The following RASGRP1 variants were observed in gnomAD, a reference collection of about 807,000 sequenced individuals.
The protein encoded by RASGRP1 is RAS guanyl releasing protein 1, also known as RAS guanyl-releasing protein 1.
RASGRP1 carries 37 observed loss-of-function variants against 95.1 expected under a neutral mutation model. That is an observed-to-expected ratio of 0.39 (90% CI 0.30 to 0.51). The LOEUF (loss-of-function observed/expected upper bound fraction) is 0.51. Ranked by LOEUF, RASGRP1 falls within the 20% of genes least tolerant of loss-of-function variation. RASGRP1 has a pLI of 0.80. For missense variants in RASGRP1, 711 were observed against 965.4 expected, an observed-to-expected ratio of 0.74 and a Z score of 3.49; for synonymous variants, 325 against 353.4, an observed-to-expected ratio of 0.92 and a Z score of 0.90.
chr15:38,555,197 G>C (rs780184264), intron 2 of RASGRP1, among the ~76,000 whole-genome samples: 1 of 152,198 alleles, frequency 6.6e-6, no homozygotes, highest in African/African-American at 2.4e-5. Context: ...CCTATAAAAT[G>C]CTTTTAATAT....
Position 38,490,314 on chromosome 15 carries a change from T to A in RASGRP1, c.*240A>T, listed in dbSNP as rs1260067368. 5.9e-6 allele frequency: 2 copies of A among 341,512 alleles called. No homozygotes were observed. 21.2% of individuals were successfully genotyped at this position (341,512 alleles called of 1,614,324 possible). A position where few individuals can be genotyped will look rare whatever the true frequency, so the allele number is the denominator to read the frequency against. On this transcript the variant is annotated 3_prime_UTR_variant, in exon 17 of 17. Transcript: ENST00000310803. ...TTAGATCGCATACTTTTGATGAACA[T>A]CAGTGGTATGAATAGCAAAAGTTTT...
intron 9 of RASGRP1, among the ~76,000 whole-genome samples, chr15:38,506,597 T>C (rs1362970471): frequency 7.3e-6 from 1 of 137,168 alleles, no homozygotes; most frequent in Non-Finnish European, 1.5e-5. Context: ...ATTGCACTAC[T>C]GCACTCCAGT....
At chr15:38,503,752 G>T in intron 10 of RASGRP1, 1 of 208,348 alleles carries the variant, frequency 4.8e-6, no homozygotes, top group Non-Finnish European at 9.5e-6. Flanking sequence ...ATGTGAATAA[G>T]GAAAAGCTTA....
chr15:38,518,349 T>G lies in RASGRP1; in HGVS notation c.464A>C (p.Glu155Ala). ...CTCCTCACCCTTAGCTTTCACCAGTTCCTGAAACTCCTCCATAGTGTCTGT... is the reference window on the plus strand; with the variant it reads ...CTCCTCACCCTTAGCTTTCACCAGTGCCTGAAACTCCTCCATAGTGTCTGT... ...SLTDTMEEFQ[E>A]LVKAKGEELH... Residue 155 changes from glutamate to alanine, a missense_variant, in exon 5 of 17, where the codon GAA becomes GCA. Around this residue, in one of 3 missense-constraint regions of RASGRP1, gnomAD observed 491 missense variants for 676.6 expected, o/e 0.73. Transcript: ENST00000310803. The G allele has an allele frequency of 6.2e-7, 1 of 1,609,626 alleles. No individual in the cohort carries two copies. The highest frequency in any genetic ancestry group is 8.5e-7 in the Non-Finnish European group (1 of 1,177,998).
intron 2 of RASGRP1, among the ~76,000 whole-genome samples, chr15:38,553,283 G>A (rs186600424): frequency 6.6e-6 from 1 of 152,314 alleles, no homozygotes; most frequent in East Asian, 1.9e-4. Flanking sequence ...GGTGGGCTGC[G>A]GCTGGGGCCC....
At chr15:38,564,492 C>A in intron 1 of RASGRP1, 102 bp downstream of exon 1, 2 of 1,175,118 alleles carry the variant, frequency 1.7e-6, no homozygotes, top group East Asian at 3.3e-5. Flanking sequence ...CCCGGCCCCC[C>A]TCCGCCCTCA....
chr15:38,516,165 G>A, intron 6 of RASGRP1, 32 bp downstream of exon 6: 1 of 1,535,460 alleles, frequency 6.5e-7, no homozygotes, highest in Non-Finnish European at 9.0e-7. Context: ...ATATCCCAGG[G>A]AAGATTTTTC....
chr15:38,505,691 C>T (rs1891227229), intron 10 of RASGRP1, 149 bp downstream of exon 10: 1 of 642,526 alleles, frequency 1.6e-6, no homozygotes, highest in South Asian at 1.9e-5. Flanking sequence ...TGTTGAAAAG[C>T]TTTCTCTGTT....
chr15:38,526,360 T>A lies in RASGRP1; in HGVS notation c.265A>T (p.Met89Leu). ...LCRSNQLLQV[M>L]LTMHRIVISS... The stretch of plus-strand genomic sequence containing the variant: ...ATGACAATTCGGTGCATGGTCAGCA[T>A]GACTTGCAACAGTTGGTTACTTCGA... The change falls in exon 3 of 17, where the codon ATG (methionine) becomes TTG (leucine). Residue 89 changes from methionine (M) to leucine (L), a missense_variant. Met to Leu is a conservative substitution (Grantham distance 15). This residue lies in a region of RASGRP1 where 491 missense variants were observed against 676.6 expected (regional missense o/e 0.73). Coordinates refer to ENST00000310803, the MANE Select transcript of RASGRP1 (RefSeq NM_005739.4). 1 of 1,613,342 alleles carries A rather than the reference T, an allele frequency of 6.2e-7. No homozygotes were observed. The highest frequency in any genetic ancestry group is 1.3e-5 in the African/African-American group (1 of 75,008).
At chr15:38,530,007 TTA>T (rs1357255207) in intron 2 of RASGRP1, among the ~76,000 whole-genome samples, 1 of 152,230 alleles carries the variant, frequency 6.6e-6, no homozygotes, top group Non-Finnish European at 1.5e-5. Flanking sequence ...TAGTATTACT[TTA>T]TGTTTTCTGG....
chr15:38,563,529 G>A (rs1893898895), intron 1 of RASGRP1, among the ~76,000 whole-genome samples: 1 of 152,196 alleles, frequency 6.6e-6, no homozygotes, highest in African/African-American at 2.4e-5. Flanking sequence ...AGTAAGAGAT[G>A]AAATGGAGCA....
chr15:38,515,787 C>A (rs4363831), intron 6 of RASGRP1, among the ~76,000 whole-genome samples: 5 of 146,748 alleles, frequency 3.4e-5, no homozygotes, highest in African/African-American at 7.6e-5. Context: ...CACCCCCCCC[C>A]CTTTTTTTTT....
intron 2 of RASGRP1, among the ~76,000 whole-genome samples, chr15:38,542,864 C>CATATATGTGTATATAT (rs1892943504): frequency 2.4e-5 from 3 of 125,684 alleles, no homozygotes; most frequent in Non-Finnish European, 4.9e-5. Context: ...TATATATACA[C>CATATATGTGTATATAT]ATATATGTGT....
intron 14 of RASGRP1, among the ~76,000 whole-genome samples, chr15:38,499,897 TC>T (rs1470493628): frequency 2.6e-5 from 4 of 152,142 alleles, no homozygotes; most frequent in African/African-American, 7.2e-5. Flanking sequence ...GCTCAGCACT[TC>T]TCCTTCCTGC....
At chr15:38,535,915 G>T (rs1437055866) in intron 2 of RASGRP1, among the ~76,000 whole-genome samples, 1 of 152,184 alleles carries the variant, frequency 6.6e-6, no homozygotes, top group Non-Finnish European at 1.5e-5. Flanking sequence ...GTCCTCTTCA[G>T]TTCTGGAAAT....
intron 11 of RASGRP1, chr15:38,502,940 A>G (rs1891097281): frequency 8.3e-6 from 3 of 361,068 alleles, no homozygotes; most frequent in Non-Finnish European, 1.5e-5. Context: ...ATTAAGCAGT[A>G]CAAAGGTTTT....
chr15:38,490,924 G>A (rs1890549368), intron 16 of RASGRP1, among the ~76,000 whole-genome samples: 1 of 152,084 alleles, frequency 6.6e-6, no homozygotes, highest in Non-Finnish European at 1.5e-5. Flanking sequence ...TGGTTAGCAG[G>A]CAGAATAAAC....
chr15:38,518,158 G>A, intron 5 of RASGRP1, 134 bp downstream of exon 5: 1 of 816,624 alleles, frequency 1.2e-6, no homozygotes, highest in Non-Finnish European at 2.0e-6. Flanking sequence ...TTGAACCTGT[G>A]TATTTGAGGG....
intron 11 of RASGRP1, 108 bp from the exon 12 acceptor site, chr15:38,502,529 C>T (rs778541933): frequency 2.8e-5 from 19 of 675,522 alleles, no homozygotes; most frequent in Admixed American, 1.1e-4. Context: ...TTTTAACAAC[C>T]TGAACGAGAG....
Sources: allele counts gnomAD v4.1 joint callset (sites outside exome capture counted in the v4.1 genomes callset), GRCh38; gene constraint gnomAD v4.1.1; regional missense constraint gnomAD v4.1.1; transcripts MANE v1.5; gene names NCBI Gene and HGNC (gene_info 2026-07-23, HGNC 2026-07-21).